Variants in NR1H3 observed in about 807,000 individuals in gnomAD.
NR1H3 encodes the protein oxysterols receptor LXR-alpha.
In NR1H3, 19 loss-of-function variants were observed where a neutral mutation model predicts 48.1. The ratio of observed to expected loss-of-function variants is 0.40; its 90% CI spans 0.28 to 0.58. The LOEUF is 0.58. Ranked by LOEUF, NR1H3 falls within the 20% of genes least tolerant of loss-of-function variation. NR1H3 has a pLI of 0.50. For missense variants in NR1H3, 486 were observed against 595.9 expected (o/e 0.82, Z 1.92); for synonymous variants, 232 against 227.3 (o/e 1.02, Z -0.19).
chr11:47,250,360 A>C (rs1191057413), intron 1 of NR1H3: 1 of 152,190 alleles, frequency 6.6e-6, no homozygotes, highest in Admixed American at 6.5e-5. Context: ...GCAGTGAGCC[A>C]TGATGGTGCA....
At chr11:47,259,153 A>T in intron 1 of NR1H3, 27 bp from the exon 2 acceptor site, 1 of 1,613,668 alleles carries the variant, frequency 6.2e-7, no homozygotes, top group Non-Finnish European at 8.5e-7. Flanking sequence ...CAGTTCTAGA[A>T]GAGTATAATC....
At chr11:47,260,318 A>C (rs1312880480) in intron 3 of NR1H3, 91 bp from the exon 4 acceptor site, 2 of 1,478,268 alleles carry the variant, frequency 1.4e-6, no homozygotes, top group Non-Finnish European at 1.8e-6. Flanking sequence ...AAGGGAATGA[A>C]GGTCACTGAG....
chr11:47,261,852 C>G, intron 6 of NR1H3, 67 bp from the exon 7 acceptor site: 3 of 1,589,786 alleles, frequency 1.9e-6, no homozygotes, highest in Non-Finnish European at 2.6e-6. Flanking sequence ...ATCGGCCTCC[C>G]TGGAAGAGGC....
chr11:47,262,464 G>T (rs1956001422), intron 7 of NR1H3, among the ~76,000 whole-genome samples: 1 of 151,996 alleles, frequency 6.6e-6, no homozygotes, highest in Admixed American at 6.6e-5. Context: ...CTCCCAAAGT[G>T]CTGGGATTAC....
At chr11:47,260,774 C>G in intron 4 of NR1H3, 99 bp downstream of exon 4, 1 of 1,396,090 alleles carries the variant, frequency 7.2e-7, no homozygotes, top group East Asian at 2.5e-5. Flanking sequence ...GCTAACTGAT[C>G]CCTAAGTATG....
chr11:47,259,529 T>G (rs771027217), intron 2 of NR1H3: 180 of 1,502,080 alleles, frequency 1.2e-4, no homozygotes, highest in Middle Eastern at 1.7e-4. Flanking sequence ...TTGAAGAGTT[T>G]TATCTGATCT....
rs753119305 is a variant in NR1H3 at position 47,259,783 on chromosome 11, GAGCTC to G, written c.44-5_44-1del. The G allele has an allele frequency of 4.3e-6, 7 of 1,611,972 alleles. No homozygotes were observed. In the Middle Eastern group the frequency reaches 6.7e-4, roughly 155 times the overall value. ...GAGACCCCCTTGTGCCTCTCTTTTG[GAGCTC>G]AGACTCTGCGGTGGAGCTGTGGAAG... On this transcript the variant is annotated splice_polypyrimidine_tract_variant and splice_region_variant and intron_variant, in intron 2 of 9. Coordinates refer to ENST00000441012, the MANE Select transcript of NR1H3 (RefSeq NM_005693.4).
chr11:47,248,370 G>T, upstream of NR1H3: 1 of 1,402,776 alleles, frequency 7.1e-7, no homozygotes, highest in Non-Finnish European at 9.7e-7. Flanking sequence ...GAAGGGAAAA[G>T]AGAAGTGAAA....
intron 1 of NR1H3, among the ~76,000 whole-genome samples, chr11:47,252,486 C>G (rs538693746): frequency 6.6e-6 from 1 of 151,784 alleles, no homozygotes; most frequent in Admixed American, 6.6e-5. Context: ...CTCGAACTCC[C>G]GACCTCAGGT....
chr11:47,257,730 C>T (rs1187658657), upstream of NR1H3: 9 of 983,318 alleles, frequency 9.2e-6, no homozygotes, highest in Admixed American at 3.1e-4. Flanking sequence ...CTGCTAAGAG[C>T]GCTGGGTAAG....
In NR1H3 at chr11:47,260,609, T is replaced by TA; in HGVS notation, c.434dup (p.Tyr145Ter). The change falls in exon 4 of 10, where the codon TAC (tyrosine) becomes TAAC (stop). Residue 145 changes from tyrosine (Y) to a stop codon, truncating the protein, a stop_gained and frameshift_variant. Coordinates refer to ENST00000441012, the MANE Select transcript of NR1H3 (RefSeq NM_005693.4). LOFTEE classifies it high-confidence loss of function. ...TGGCGGCCACTGCCCCATGGACACC[T>TA]ACATGCGTCGCAAGTGCCAGGAGTG... ...HSGGHCPMDT[Y>*]MRRKCQECRL... is the part of the protein sequence containing the mutation. The TA allele has an allele frequency of 6.2e-7, 1 of 1,613,294 alleles. No individual in the cohort carries two copies. Among genetic ancestry groups the TA allele is most frequent in the Non-Finnish European group, 8.5e-7 (1 of 1,179,954 alleles).
At chr11:47,248,611 C>G, upstream of NR1H3, 1 of 1,560,930 alleles carries the variant, frequency 6.4e-7, no homozygotes, top group Non-Finnish European at 8.7e-7. Context: ...GATCCTCGAC[C>G]TCCACCAGCT....
At chr11:47,260,329 T>C in intron 3 of NR1H3, 80 bp from the exon 4 acceptor site, 1 of 1,513,636 alleles carries the variant, frequency 6.6e-7, no homozygotes, top group Non-Finnish European at 8.9e-7. Flanking sequence ...GGTCACTGAG[T>C]GCCCAGGGCA....
At position 47,268,690 on chromosome 11, in the gene NR1H3, C is replaced by T; in HGVS notation, c.1338C>T (p.His446=). Residue 446 remains histidine, a synonymous_variant, in exon 10 of 10, where the codon CAC becomes CAT. Transcript: ENST00000441012. ...TGCTCTCTGAGATCTGGGATGTGCA[C>T]GAATGACTGTTCTGTCCCCATATTT... ...PPLLSEIWDV[H]E 6.2e-7 allele frequency: 1 copy of T among 1,614,016 alleles called. No homozygotes were observed.
At chr11:47,248,480 C>G, upstream of NR1H3, 1 of 1,549,190 alleles carries the variant, frequency 6.5e-7, no homozygotes, top group African/African-American at 1.4e-5. Context: ...TCAAGGCAGA[C>G]TCACCCCGAC....
Position 47,259,908 on chromosome 11 carries a change from C to T in NR1H3, c.161C>T (p.Ala54Val). The change falls in exon 3 of 10, where the codon GCA becomes GTA. Residue 54 changes from alanine to valine, a missense_variant. By Grantham distance (64) the Ala-to-Val change is moderately conservative. Transcript: ENST00000441012. ...ARMPHSAGGTAGVGLEAAEPT... is the reference protein window; with the variant it reads ...ARMPHSAGGTVGVGLEAAEPT... ...ATGCCCCACTCTGCTGGGGGTACTG[C>T]AGGGGTGGGGCTGGAGGCTGCAGAG... The T allele has an allele frequency of 1.2e-6, 2 of 1,611,024 alleles. No individual in the cohort carries two copies. The highest frequency in any genetic ancestry group is 1.7e-6 in the Non-Finnish European group (2 of 1,178,704).
At chr11:47,259,413 C>T in intron 2 of NR1H3, 154 bp downstream of exon 2, 1 of 1,568,684 alleles carries the variant, frequency 6.4e-7, no homozygotes. Context: ...CAGATCACCT[C>T]TCCCCTGGTT....
At position 47,268,702 on chromosome 11, in the gene NR1H3, C is replaced by T; in HGVS notation, c.*6C>T. 8 of 1,613,418 alleles carry T rather than the reference C, an allele frequency of 5.0e-6. No homozygotes were observed. The highest frequency in any genetic ancestry group is 6.8e-6 in the Non-Finnish European group (8 of 1,179,674). On this transcript the variant is annotated 3_prime_UTR_variant, in exon 10 of 10. Transcript: ENST00000441012. Reference sequence around the variant, plus strand: ...TCTGGGATGTGCACGAATGACTGTTCTGTCCCCATATTTTCTGTTTTCTTG... The same window carrying T: ...TCTGGGATGTGCACGAATGACTGTTTTGTCCCCATATTTTCTGTTTTCTTG...
upstream of NR1H3, among the ~76,000 whole-genome samples, chr11:47,256,038 T>A (rs1177465399): frequency 6.6e-6 from 1 of 151,994 alleles, no homozygotes; most frequent in Non-Finnish European, 1.5e-5. Context: ...TTTATTTATC[T>A]TTCTTTCTTT....
Sources: allele counts gnomAD v4.1 joint callset (sites outside exome capture counted in the v4.1 genomes callset), GRCh38; gene constraint gnomAD v4.1.1; transcripts MANE v1.5; gene names NCBI Gene and HGNC (gene_info 2026-07-23, HGNC 2026-07-21).